The following KRIT1 variants were observed in gnomAD, a reference collection of about 807,000 sequenced individuals.
KRIT1 encodes KRIT1 ankyrin repeat containing.
In KRIT1, 45 loss-of-function variants were observed where a neutral mutation model predicts 95.8. The observed-to-expected ratio is 0.47, with a 90% confidence interval of 0.37 to 0.60. The LOEUF is 0.60. Ranked by LOEUF, KRIT1 falls within the 20% of genes least tolerant of loss-of-function variation. The pLI, the probability that KRIT1 is intolerant of heterozygous loss-of-function variation, is 0.00. For missense variants in KRIT1, 788 were observed against 877.5 expected (o/e 0.90, Z 1.29); for synonymous variants, 282 against 278.8 (o/e 1.01, Z -0.11).
rs1221532023 is a variant in KRIT1 at position 92,223,946 on chromosome 7, A to AT, written c.1255-969dup. ...CTTATTCATTCACAATATAAAAATT[A>AT]TATCAGGGATAAAAATGAGTTAACA... On this transcript the variant is annotated intron_variant, in intron 12 of 18. Transcript: ENST00000394505. 2.0e-5 allele frequency among the ~76,000 whole-genome samples: 3 copies of AT among 152,366 alleles called. No homozygotes were observed. The East Asian group carries it at 5.8e-4, about 29-fold the overall frequency.
chr7:92,242,815 T>TTTTTG lies in KRIT1; in HGVS notation c.-2-683_-2-679dup, dbSNP rs376357992. Among the ~76,000 whole-genome samples the TTTTTG allele has an allele frequency of 2.1e-3, 323 of 152,294 alleles. 4 individuals are homozygous for TTTTTG. Among genetic ancestry groups the TTTTTG allele is most frequent in the African/African-American group, 7.2e-3 (298 of 41,562 alleles). On this transcript the variant is annotated intron_variant, in intron 3 of 18. Coordinates refer to ENST00000394505, the MANE Select transcript of KRIT1 (RefSeq NM_194454.3). ...TTATCAATTTCCTTGATAATCCAAA[T>TTTTTG]TTTTGTTTTGTTTTGTTTTAGACAG...
At chr7:92,239,704 GA>G (rs1317776637) in intron 5 of KRIT1, among the ~76,000 whole-genome samples, 2 of 150,076 alleles carry the variant, frequency 1.3e-5, no homozygotes, top group Admixed American at 6.7e-5. Flanking sequence ...TCATATGCAG[GA>G]ACTTTTTTTT....
Position 92,242,073 on chromosome 7 carries a change from G to A in KRIT1, c.63C>T (p.Ala21=). Reference sequence around the variant, plus strand: ...CTCTGTATTCCCGAGAATTGAGACTGGCAGTATTCTTTGGACGAATAACAG... The same window carrying A: ...CTCTGTATTCCCGAGAATTGAGACTAGCAGTATTCTTTGGACGAATAACAG... The part of the protein sequence containing the change: ...YVAVIRPKNT[A]SLNSREYRAK... Residue 21 remains alanine, a synonymous_variant, in exon 4 of 19, where the codon GCC becomes GCT. Transcript: ENST00000394505. 6.3e-7 allele frequency: 1 copy of A among 1,597,226 alleles called. No homozygotes were observed. The highest frequency in any genetic ancestry group is 8.6e-7 in the Non-Finnish European group (1 of 1,165,172).
chr7:92,227,523 A>C (rs1796438368), intron 10 of KRIT1, among the ~76,000 whole-genome samples: 1 of 152,286 alleles, frequency 6.6e-6, no homozygotes, highest in Non-Finnish European at 1.5e-5. Flanking sequence ...CTCTGATAGA[A>C]GAACAATTTG....
At chr7:92,224,457 T>C (rs1795806596) in intron 12 of KRIT1, among the ~76,000 whole-genome samples, 2 of 152,112 alleles carry the variant, frequency 1.3e-5, no homozygotes. Flanking sequence ...GGCAACATAG[T>C]GAGACCCTGT....
At position 92,236,501 on chromosome 7, in the gene KRIT1, A is replaced by G; in HGVS notation, c.397T>C (p.Tyr133His). The G allele has an allele frequency of 6.3e-7, 1 of 1,583,170 alleles. No individual in the cohort carries two copies. The highest frequency in any genetic ancestry group is 8.7e-7 in the Non-Finnish European group (1 of 1,152,252). ...ACTCGCATAATATCTTGTAAGCAGT[A>G]AAAAATTGGGCATCCTGGGGTATAT... ...YTYTPGCPIF[Y>H]CLQDIMRVCS... is the part of the protein sequence containing the mutation. The change falls in exon 7 of 19, where the codon TAC (tyrosine) becomes CAC (histidine). Residue 133 changes from tyrosine (Y) to histidine (H), a missense_variant. By Grantham distance (83) the Tyr-to-His change is moderately conservative. This residue lies in a region of KRIT1 where 289 missense variants were observed against 277.5 expected (regional missense o/e 1.04). Coordinates refer to ENST00000394505, the MANE Select transcript of KRIT1 (RefSeq NM_194454.3).
rs1795241792 is a variant in KRIT1, at chr7:92,221,998, T to A, written c.1467A>T (p.Glu489Asp). 15 of 1,613,646 alleles carry A rather than the reference T, an allele frequency of 9.3e-6. No homozygotes were observed. The highest frequency in any genetic ancestry group is 1.1e-5 in the Non-Finnish European group (13 of 1,179,598). Residue 489 changes from glutamate (E) to aspartate (D), a missense_variant, in exon 14 of 19, where the codon GAA (glutamate) becomes GAT (aspartate). By Grantham distance (45) the Glu-to-Asp change is conservative (BLOSUM62 2). This residue lies in a region of KRIT1 where 493 missense variants were observed against 582.3 expected (regional missense o/e 0.85). Coordinates refer to ENST00000394505, the MANE Select transcript of KRIT1 (RefSeq NM_194454.3). ...CCAGATTAGTCAATTCAGCAAGTAT[T>A]TCTGGCCAGTCACGAACATGTTGCA... ...KPLQHVRDWP[E>D]ILAELTNLDP... is the part of the protein sequence containing the mutation.
Position 92,235,575 on chromosome 7 carries a change from A to G in KRIT1, c.557T>C (p.Ile186Thr). 6.2e-7 allele frequency: 1 copy of G among 1,613,986 alleles called. No individual in the cohort carries two copies. The highest frequency in any genetic ancestry group is 8.5e-7 in the Non-Finnish European group (1 of 1,179,906). The change falls in exon 8 of 19, where the codon ATA becomes ACA. Residue 186 changes from isoleucine to threonine, a missense_variant. Physicochemically the swap from Ile to Thr is moderately conservative, Grantham distance 89 (BLOSUM62 -1). Transcript: ENST00000394505. The part of the protein sequence containing the change: ...ALFRPSPLER[I>T]KTNVINPAYA... ...TGCAGGATTTATGACATTAGTTTTTATCCGCTCAAGAGGAGAAGGTCGGAA... is the reference window on the plus strand; with the variant it reads ...TGCAGGATTTATGACATTAGTTTTTGTCCGCTCAAGAGGAGAAGGTCGGAA...
Position 92,200,357 on chromosome 7 carries a change from A to ATT in KRIT1, c.*377_*378dup, listed in dbSNP as rs34910226. On this transcript the variant is annotated 3_prime_UTR_variant, in exon 19 of 19. Coordinates refer to ENST00000394505, the MANE Select transcript of KRIT1 (RefSeq NM_194454.3). ...GAGACTATATGCCTTGTTGAAAGTA[A>ATT]TTTTTTTTTTTTTTTGAGATGGAGT... The ATT allele has an allele frequency of 8.4e-3, 1,840 of 219,634 alleles. 2 individuals are homozygous for ATT. The highest frequency in any genetic ancestry group is 0.013 in the South Asian group (208 of 15,474). The allele number at this position is 219,634 out of a possible 1,614,324, so 13.6% of individuals were successfully genotyped here.
chr7:92,240,917 T>C, intron 5 of KRIT1, 76 bp downstream of exon 5: 3 of 1,166,064 alleles, frequency 2.6e-6, no homozygotes, highest in South Asian at 1.3e-5. Flanking sequence ...ATTGGTTTAA[T>C]ATGTGTATAT....
At position 92,241,134 on chromosome 7, in the gene KRIT1, G is replaced by A. The variant is rs1258414309; in HGVS notation, c.121C>T (p.Pro41Ser). 2 of 1,609,548 alleles carry A rather than the reference G, an allele frequency of 1.2e-6. No individual in the cohort carries two copies. The change falls in exon 5 of 19, where the codon CCC becomes TCC. Residue 41 changes from proline (P) to serine (S), a missense_variant. By Grantham distance (74) the Pro-to-Ser change is moderately conservative (BLOSUM62 -1). Around this residue, in one of 3 missense-constraint regions of KRIT1, gnomAD observed 289 missense variants for 277.5 expected, o/e 1.04. Coordinates refer to ENST00000394505, the MANE Select transcript of KRIT1 (RefSeq NM_194454.3). ...KSYEILLHEV[P>S]IEGQKKKRKK... ...CTCTTTTTTTTCTGTCCTTCAATGG[G>A]AACTTCATGCAACAAAATCTTAGAT...
intron 11 of KRIT1, among the ~76,000 whole-genome samples, 199 bp downstream of exon 11, chr7:92,226,327 T>C (rs1390117390): frequency 6.6e-6 from 1 of 152,070 alleles, no homozygotes; most frequent in Non-Finnish European, 1.5e-5. Flanking sequence ...AAAAAAAATA[T>C]GTTCAAAAGC....
Position 92,213,920 on chromosome 7 carries a change from C to T in KRIT1, c.1790G>A (p.Trp597Ter). The T allele has an allele frequency of 6.2e-7, 1 of 1,609,132 alleles. No individual in the cohort carries two copies. Among genetic ancestry groups the T allele is most frequent in the Non-Finnish European group, 8.5e-7 (1 of 1,175,706 alleles). The change falls in exon 16 of 19, where the codon TGG (tryptophan) becomes TAG (stop). Residue 597 changes from tryptophan (W) to a stop codon, truncating the protein, a stop_gained. Transcript: ENST00000394505. LOFTEE classifies it high-confidence loss of function. ...VTKLKSKAPH[W>*]TNRILHEYKN... ...GTATTCATGAAGTATGCGATTTGTC[C>T]AGTGAGGTGCCTTACTTTTCAGTTT...
In KRIT1 at chr7:92,225,845, G is replaced by T; in HGVS notation, c.1147-18C>A. The T allele has an allele frequency of 1.5e-6, 2 of 1,365,486 alleles. No individual in the cohort carries two copies. The highest frequency in any genetic ancestry group is 1.7e-5 in the Admixed American group (1 of 59,438). The allele number at this position is 1,365,486 out of a possible 1,614,324, so 84.6% of individuals were successfully genotyped here. On this transcript the variant is annotated intron_variant, in intron 11 of 18. Transcript: ENST00000394505. Reference sequence around the variant, plus strand: ...GTTATATGCTAGAAATGTGGGTGGGGAGGGGGAAAAAAGGCATTACATATT... The same window carrying T: ...GTTATATGCTAGAAATGTGGGTGGGTAGGGGGAAAAAAGGCATTACATATT...
intron 3 of KRIT1, among the ~76,000 whole-genome samples, chr7:92,243,626 C>T (rs1313524972): frequency 6.6e-6 from 1 of 151,982 alleles, no homozygotes; most frequent in Non-Finnish European, 1.5e-5. Flanking sequence ...AATTCACTTC[C>T]CTAAATAATA....
chr7:92,234,859 A>G lies in KRIT1; in HGVS notation c.794T>C (p.Ile265Thr), dbSNP rs1314633842. ...TCTCTGCCATTTTTCCTGTTTAGGT[A>G]TTTGGATTTTTGAGTAGTCTGGAGC... ...LGAPDYSKIQ[I>T]PKQEKWQRSM... The change falls in exon 9 of 19, where the codon ATA becomes ACA. Residue 265 changes from isoleucine (I) to threonine (T), a missense_variant. Around this residue, in one of 3 missense-constraint regions of KRIT1, gnomAD observed 493 missense variants for 582.3 expected, o/e 0.85. Transcript: ENST00000394505. 6.2e-7 allele frequency: 1 copy of G among 1,610,824 alleles called. No homozygotes were observed. Among genetic ancestry groups the G allele is most frequent in the South Asian group, 1.1e-5 (1 of 91,002 alleles).
At chr7:92,223,326 TC>T (rs1795540212) in intron 12 of KRIT1, among the ~76,000 whole-genome samples, 1 of 148,590 alleles carries the variant, frequency 6.7e-6, no homozygotes, top group South Asian at 2.1e-4. Context: ...GCACCTGTAG[TC>T]CCAGCTACTA....
At chr7:92,243,717 A>G (rs1800202781) in intron 3 of KRIT1, among the ~76,000 whole-genome samples, 1 of 152,162 alleles carries the variant, frequency 6.6e-6, no homozygotes, top group Non-Finnish European at 1.5e-5. Context: ...ATTTTACATA[A>G]ACTTTAGCCT....
chr7:92,214,888 C>T, intron 14 of KRIT1, 111 bp from the exon 15 acceptor site: 1 of 761,882 alleles, frequency 1.3e-6, no homozygotes. Flanking sequence ...TGAGCTGTTA[C>T]TGTTTTGAGC....
Sources: gnomAD v4.1 joint callset for allele counts (sites outside exome capture counted in the v4.1 genomes callset) on GRCh38, gnomAD v4.1.1 for gene constraint, gnomAD v4.1.1 regional missense constraint, MANE v1.5 for transcripts, NCBI Gene and HGNC (gene_info 2026-07-23, HGNC 2026-07-21) for gene names.